The following SPSB3 variants were observed in gnomAD, a reference collection of about 807,000 sequenced individuals.
SPSB3 encodes SPRY domain-containing SOCS box protein 3.
Under a neutral mutation model 29.5 loss-of-function variants are expected in SPSB3, and 18 were observed. The observed-to-expected ratio is 0.61, with a 90% CI of 0.42 to 0.91. The LOEUF is 0.91. SPSB3 is among the 40% of genes least tolerant of loss of function. The pLI is 0.00. For synonymous variants in SPSB3, 299 were observed against 214.1 expected (o/e 1.40, Z -3.46); for missense variants, 540 against 507.5 (o/e 1.06, Z -0.61).
chr16:1,777,901 C>T lies in SPSB3; in HGVS notation c.596-29G>A, dbSNP rs573183239. 31 of 1,611,768 alleles carry T rather than the reference C, an allele frequency of 1.9e-5. No homozygotes were observed. In the South Asian group the frequency reaches 2.5e-4, roughly 13 times the overall value. ...GGGGCAGCCAGGGTCGCAGTGAGCC[C>T]GGGAGCTCCAGGCTCGGCCCCGCCC... On this transcript the variant is annotated intron_variant, in intron 5 of 6. Coordinates refer to ENST00000566339, the MANE Select transcript of SPSB3 (RefSeq NM_080861.4).
chr16:1,778,260 G>T lies in SPSB3; in HGVS notation c.366C>A (p.Asn122Lys). 6.2e-7 allele frequency: 1 copy of T among 1,612,912 alleles called. No individual in the cohort carries two copies. The highest frequency in any genetic ancestry group is 8.5e-7 in the Non-Finnish European group (1 of 1,180,000). ...KSSATLLSCDNRKVSFHMEYS... is the reference protein window; with the variant it reads ...KSSATLLSCDKRKVSFHMEYS... ...ACTCCATGTGGAAGCTGACCTTACG[G>T]TTGTCACAGCTCAGCAGGGTGGCTG... The change falls in exon 4 of 7, where the codon AAC becomes AAA. Residue 122 changes from asparagine to lysine, a missense_variant. Asn to Lys is a moderately conservative substitution (Grantham distance 94). Transcript: ENST00000566339.
intron 2 of SPSB3, 29 bp downstream of exon 2, chr16:1,781,329 C>A (rs746468202): frequency 1.9e-6 from 3 of 1,612,758 alleles, no homozygotes; most frequent in Admixed American, 3.3e-5. Context: ...CTTAGGCCAG[C>A]CACGTCCGCC....
intron 6 of SPSB3, 26 bp from the exon 7 acceptor site, chr16:1,777,469 C>T: frequency 6.8e-7 from 1 of 1,469,366 alleles, no homozygotes; most frequent in Non-Finnish European, 9.0e-7. Context: ...CCAGCCTGAA[C>T]CCCAGGCAGG....
Position 1,777,212 on chromosome 16 carries a change from C to T in SPSB3, c.953G>A (p.Ser318Asn), listed in dbSNP as rs925616680. ...AGCCTTGCGGCGGCTGCAACTCATG[C>T]TCAGGACCCAGCCCAGCTTGTTGTG... The part of the protein sequence containing the change: ...VLHNKLGWVL[S>N]MSCSRRKAPV... Residue 318 changes from serine (S) to asparagine (N), a missense_variant, in exon 7 of 7, where the codon AGC becomes AAC. Transcript: ENST00000566339. 3 of 1,610,612 alleles carry T rather than the reference C, an allele frequency of 1.9e-6. No homozygotes were observed. Among genetic ancestry groups the T allele is most frequent in the East Asian group, 2.2e-5 (1 of 44,870 alleles).
rs765404171 is a variant in SPSB3, at chr16:1,777,452, G to A, written c.722-9C>T. Reference sequence around the variant, plus strand: ...CTTGGTGGCTGCCACACCTGGAAGGGAGGGGCCCAGCCTGAACCCCAGGCA... The same window carrying A: ...CTTGGTGGCTGCCACACCTGGAAGGAAGGGGCCCAGCCTGAACCCCAGGCA... On this transcript the variant is annotated splice_polypyrimidine_tract_variant and intron_variant, in intron 6 of 6. Transcript: ENST00000566339. The A allele has an allele frequency of 6.7e-7, 1 of 1,497,670 alleles. No individual in the cohort carries two copies. The highest frequency in any genetic ancestry group is 2.0e-5 in the Admixed American group (1 of 49,196). 92.8% of individuals were successfully genotyped at this position (1,497,670 alleles called of 1,614,324 possible).
At position 1,778,599 on chromosome 16, in the gene SPSB3, T is replaced by C. The variant is rs1489611784; in HGVS notation, c.140A>G (p.Asp47Gly). 1.3e-6 allele frequency: 2 copies of C among 1,563,116 alleles called. No homozygotes were observed. Among genetic ancestry groups the C allele is most frequent in the Non-Finnish European group, 1.7e-6 (2 of 1,151,584 alleles). The change falls in exon 3 of 7, where the codon GAC becomes GGC. Residue 47 changes from aspartate (D) to glycine (G), a missense_variant. Asp to Gly is a moderately conservative substitution (Grantham distance 94). Transcript: ENST00000566339. ...YDSDGQHSDS[D>G]SDPEYSTLPP... ...CAGCGTGGAGTACTCGGGGTCGGAG[T>C]CCGAGTCGCTGTGCTGGGAGAGAAG... is the stretch of plus-strand genomic sequence containing the variant.
chr16:1,778,436 C>G lies in SPSB3; in HGVS notation c.303G>C (p.Glu101Asp). The G allele has an allele frequency of 1.2e-6, 2 of 1,608,982 alleles. No individual in the cohort carries two copies. Among genetic ancestry groups the G allele is most frequent in the Non-Finnish European group, 1.7e-6 (2 of 1,178,044 alleles). Residue 101 changes from glutamate to aspartate, a missense_variant and splice_region_variant, in exon 3 of 7, where the codon GAG (glutamate) becomes GAC (aspartate). By Grantham distance (45) the Glu-to-Asp change is conservative. Transcript: ENST00000566339. ...GRDCRCGEED[E>D]YFDWVWDDLN... ...GCAGGGGCTGGGCCCCACGCTCACA[C>G]TCGTCTTCCTCTCCGCAGCGGCAGT... is the stretch of plus-strand genomic sequence containing the variant.
intron 1 of SPSB3, chr16:1,781,735 C>A: frequency 1.8e-6 from 1 of 542,972 alleles, no homozygotes. Flanking sequence ...ATGCGAATCC[C>A]AGCCCCTCTC....
rs756619838 is a variant in SPSB3, at chr16:1,778,584, T to C, written c.155A>G (p.Tyr52Cys). 6.3e-7 allele frequency: 1 copy of C among 1,584,262 alleles called. No individual in the cohort carries two copies. Among genetic ancestry groups the C allele is most frequent in the East Asian group, 2.3e-5 (1 of 44,292 alleles). Residue 52 changes from tyrosine (Y) to cysteine (C), a missense_variant, in exon 3 of 7, where the codon TAC becomes TGC. Tyr to Cys is a radical substitution (Grantham distance 194). Transcript: ENST00000566339. ...GGGGATGGATGGCGGCAGCGTGGAG[T>C]ACTCGGGGTCGGAGTCCGAGTCGCT... ...QHSDSDSDPE[Y>C]STLPPSIPSA...
In SPSB3 at chr16:1,781,345, C is replaced by T. The variant is rs567852116; in HGVS notation, c.126+13G>A. The T allele has an allele frequency of 2.2e-4, 347 of 1,612,942 alleles. 6 individuals are homozygous for T. In the South Asian group the frequency reaches 3.7e-3, roughly 17 times the overall value. On this transcript the variant is annotated intron_variant, in intron 2 of 6. Transcript: ENST00000566339. Reference sequence around the variant, plus strand: ...TTAGGCCAGCCACGTCCGCCTCGCCCGCTGGAACCTACCTGCCCATCAGAG... The same window carrying T: ...TTAGGCCAGCCACGTCCGCCTCGCCTGCTGGAACCTACCTGCCCATCAGAG...
In SPSB3 at chr16:1,778,622, A is replaced by T; in HGVS notation, c.127-10T>A. 3 of 1,537,484 alleles carry T rather than the reference A, an allele frequency of 2.0e-6. No individual in the cohort carries two copies. Among genetic ancestry groups the T allele is most frequent in the South Asian group, 2.5e-5 (2 of 81,530 alleles). ...AGTCCGAGTCGCTGTGCTGGGAGAG[A>T]AGGGCCGGCTGTTACTACCTGTTGC... On this transcript the variant is annotated splice_polypyrimidine_tract_variant and intron_variant, in intron 2 of 6. Coordinates refer to ENST00000566339, the MANE Select transcript of SPSB3 (RefSeq NM_080861.4).
In SPSB3 at chr16:1,777,793, G is replaced by C; in HGVS notation, c.675C>G (p.Asp225Glu). ...GQGSIIGVHLDTWHGTLTFFK... is the reference protein window; with the variant it reads ...GQGSIIGVHLETWHGTLTFFK... Reference sequence around the variant, plus strand: ...AAAAGGTGAGTGTGCCGTGCCAGGTGTCCAGGTGCACGCCAATGATGGAGC... The same window carrying C: ...AAAAGGTGAGTGTGCCGTGCCAGGTCTCCAGGTGCACGCCAATGATGGAGC... The change falls in exon 6 of 7, where the codon GAC becomes GAG. Residue 225 changes from aspartate to glutamate, a missense_variant. Transcript: ENST00000566339. 2 of 1,612,930 alleles carry C rather than the reference G, an allele frequency of 1.2e-6. No homozygotes were observed. Among genetic ancestry groups the C allele is most frequent in the Non-Finnish European group, 1.7e-6 (2 of 1,179,930 alleles).
rs145647480 is a variant in SPSB3, at chr16:1,778,542, G to C, written c.197C>G (p.Thr66Ser). The C allele has an allele frequency of 1.1e-4, 182 of 1,608,454 alleles. No individual in the cohort carries two copies. The highest frequency in any genetic ancestry group is 1.4e-4 in the Non-Finnish European group (170 of 1,177,046). Residue 66 changes from threonine to serine, a missense_variant, in exon 3 of 7, where the codon ACC (threonine) becomes AGC (serine). Physicochemically the swap from Thr to Ser is moderately conservative, Grantham distance 58. Coordinates refer to ENST00000566339, the MANE Select transcript of SPSB3 (RefSeq NM_080861.4). The stretch of plus-strand genomic sequence containing the variant: ...AGCACAGTCACAGAAGGACTCGCCG[G>C]TCACGGGCACCGCACTGGGGATGGA... The part of the protein sequence containing the change: ...PPSIPSAVPV[T>S]GESFCDCAGQ...
rs747972453 is a variant in SPSB3, at chr16:1,778,326, AAG to A, written c.305-7_305-6del. 9 of 1,611,922 alleles carry A rather than the reference AAG, an allele frequency of 5.6e-6. No individual in the cohort carries two copies. Among genetic ancestry groups the A allele is most frequent in the Non-Finnish European group, 5.9e-6 (7 of 1,179,934 alleles). ...CATCCCAGACCCAGTCGAAATCTGC[AAG>A]AGAGGCCCAGGCTGGGGCAGCCCTG... On this transcript the variant is annotated splice_polypyrimidine_tract_variant and splice_region_variant and intron_variant, in intron 3 of 6. Transcript: ENST00000566339.
intron 2 of SPSB3, chr16:1,780,883 C>A (rs532809345): frequency 6.0e-5 from 20 of 330,836 alleles, no homozygotes; most frequent in South Asian, 4.5e-4. Context: ...CAGGCACGTG[C>A]CACCACGCCT....
chr16:1,779,466 AT>A (rs1896641440), intron 2 of SPSB3: 1 of 152,402 alleles, frequency 6.6e-6, no homozygotes, highest in Admixed American at 6.5e-5. Flanking sequence ...GGACCATGAC[AT>A]GGGCGCCACC....
chr16:1,778,965 C>A (rs1310440714), intron 2 of SPSB3: 3 of 206,910 alleles, frequency 1.4e-5, no homozygotes. Flanking sequence ...CCTGCAGGGG[C>A]CCCCAGGCAA....
In SPSB3 at chr16:1,778,406, TCCCAGCAGGGGCTGGG is replaced by T. The variant is rs770705396; in HGVS notation, c.304+13_304+28del. ...ACCCCCAGGCCCGCCCGCAGTGCAG[TCCCAGCAGGGGCTGGG>T]CCCCACGCTCACACTCGTCTTCCTC... On this transcript the variant is annotated intron_variant, in intron 3 of 6. Coordinates refer to ENST00000566339, the MANE Select transcript of SPSB3 (RefSeq NM_080861.4). The T allele has an allele frequency of 1.1e-5, 17 of 1,605,940 alleles. No homozygotes were observed. In the South Asian group the frequency reaches 1.9e-4, roughly 18 times the overall value.
chr16:1,781,639 G>T, intron 1 of SPSB3, 144 bp from the exon 2 acceptor site: 1 of 814,324 alleles, frequency 1.2e-6, no homozygotes, highest in Non-Finnish European at 1.9e-6. Context: ...CGCTTCAGGA[G>T]CCCGTACCTC....
Sources: allele counts gnomAD v4.1 joint callset, GRCh38; gene constraint gnomAD v4.1.1; transcripts MANE v1.5; gene names NCBI Gene and HGNC (gene_info 2026-07-23, HGNC 2026-07-21).